PHLPP1: variants seen among roughly 807,000 people sequenced by gnomAD.
PHLPP1 encodes the protein PH domain leucine-rich repeat-containing protein phosphatase 1.
In PHLPP1, 42 loss-of-function variants were observed where a neutral mutation model predicts 117.2. That is an observed-to-expected ratio of 0.36 (90% CI 0.28 to 0.46). The LOEUF (loss-of-function observed/expected upper bound fraction) is 0.46, where lower values mean the gene tolerates loss of function less well. Among genes scored for constraint, PHLPP1 ranks in the 20% least tolerant of loss-of-function variants. The pLI, the probability that PHLPP1 is intolerant of heterozygous loss-of-function variation, is 1.00. For synonymous variants in PHLPP1, 1,042 were observed against 970.7 expected (o/e 1.07, Z -1.37); for missense variants, 2,084 against 2,241.9 (o/e 0.93, Z 1.42).
At chr18:62,762,716 T>C (rs1329199229) in intron 1 of PHLPP1, among the ~76,000 whole-genome samples, 2 of 152,100 alleles carry the variant, frequency 1.3e-5, no homozygotes, top group Non-Finnish European at 2.9e-5. Flanking sequence ...GCCCTACCTG[T>C]TCTCTTGATT....
chr18:62,744,023 G>A (rs150951886), intron 1 of PHLPP1, among the ~76,000 whole-genome samples: 6 of 152,344 alleles, frequency 3.9e-5, no homozygotes, highest in African/African-American at 7.2e-5. Flanking sequence ...AACTGGTGCC[G>A]TGGGACACAT....
At chr18:62,821,774 CAG>C (rs1914465678) in intron 1 of PHLPP1, among the ~76,000 whole-genome samples, 2 of 146,388 alleles carry the variant, frequency 1.4e-5, no homozygotes, top group African/African-American at 2.5e-5. Context: ...TTTTTTGAGA[CAG>C]AGTCTTGCTC....
chr18:62,898,610 G>C (rs1240030123), intron 6 of PHLPP1, among the ~76,000 whole-genome samples: 1 of 152,132 alleles, frequency 6.6e-6, no homozygotes, highest in Non-Finnish European at 1.5e-5. Context: ...AGCTGCTCAT[G>C]TGTGGGCCTC....
chr18:62,784,053 C>T (rs1913205324), intron 1 of PHLPP1, among the ~76,000 whole-genome samples: 1 of 152,204 alleles, frequency 6.6e-6, no homozygotes, highest in Admixed American at 6.5e-5. Flanking sequence ...CAAGGTTGTG[C>T]ATTTTTAAGA....
intron 14 of PHLPP1, among the ~76,000 whole-genome samples, chr18:62,967,514 AC>A (rs2144486078): frequency 6.6e-6 from 1 of 151,904 alleles, no homozygotes; most frequent in Admixed American, 6.6e-5. Context: ...TCATCCATAT[AC>A]CTTCTTTGGT....
intron 1 of PHLPP1, among the ~76,000 whole-genome samples, chr18:62,764,170 A>C (rs1912371411): frequency 6.6e-6 from 1 of 151,090 alleles, no homozygotes; most frequent in Non-Finnish European, 1.5e-5. Context: ...TCTCAAAAAA[A>C]AAAAAAAAAA....
At chr18:62,966,465 A>ATTTTTT (rs3087157) in intron 14 of PHLPP1, among the ~76,000 whole-genome samples, 3 of 109,028 alleles carry the variant, frequency 2.8e-5, no homozygotes, top group South Asian at 3.1e-4. Context: ...AGTTCTACAA[A>ATTTTTT]TTTTTTTTTT....
chr18:62,781,088 T>C (rs367933739), intron 1 of PHLPP1, among the ~76,000 whole-genome samples: 1 of 152,228 alleles, frequency 6.6e-6, no homozygotes, highest in African/African-American at 2.4e-5. Context: ...TTACCACTTA[T>C]TTGACTATTT....
intron 1 of PHLPP1, among the ~76,000 whole-genome samples, chr18:62,818,247 T>G (rs981544418): frequency 3.3e-5 from 5 of 152,070 alleles, no homozygotes; most frequent in Admixed American, 2.0e-4. Context: ...AAAATATTTT[T>G]GGGCCAGCCG....
chr18:62,807,000 T>G (rs1052266803), intron 1 of PHLPP1, among the ~76,000 whole-genome samples: 19 of 152,156 alleles, frequency 1.2e-4, no homozygotes, highest in Non-Finnish European at 2.8e-4. Flanking sequence ...GTTTAAAAAT[T>G]TTTTATAAAT....
At chr18:62,975,727 T>G in intron 16 of PHLPP1, 102 bp downstream of exon 16, 1 of 739,774 alleles carries the variant, frequency 1.4e-6, no homozygotes, top group Non-Finnish European at 2.3e-6. Flanking sequence ...AAAGAACACT[T>G]TTGAAGTTGG....
intron 3 of PHLPP1, among the ~76,000 whole-genome samples, chr18:62,854,643 A>G (rs559333380): frequency 5.3e-5 from 8 of 150,254 alleles, no homozygotes; most frequent in African/African-American, 1.9e-4. Flanking sequence ...TCTTGACCTG[A>G]TGGCATAGAG....
chr18:62,738,699 A>G (rs965744659), intron 1 of PHLPP1, among the ~76,000 whole-genome samples: 2 of 152,208 alleles, frequency 1.3e-5, no homozygotes, highest in Non-Finnish European at 2.9e-5. Context: ...GAGATTAACA[A>G]CAATAAATAC....
chr18:62,889,032 C>G (rs556321845), intron 4 of PHLPP1, among the ~76,000 whole-genome samples: 58 of 152,332 alleles, frequency 3.8e-4, no homozygotes, highest in African/African-American at 1.4e-3. Context: ...GTCCTATAAT[C>G]TGACTGCTTT....
chr18:62,957,724 T>C (rs1229657994), intron 12 of PHLPP1, among the ~76,000 whole-genome samples: 1 of 151,928 alleles, frequency 6.6e-6, no homozygotes, highest in Non-Finnish European at 1.5e-5. Context: ...TTATTTTTTT[T>C]TTTTTGGTGA....
chr18:62,724,360 A>G (rs1183811985), intron 1 of PHLPP1, among the ~76,000 whole-genome samples: 2 of 152,240 alleles, frequency 1.3e-5, no homozygotes, highest in Non-Finnish European at 2.9e-5. Flanking sequence ...GTGCTTGCCT[A>G]CCGGTGCTTA....
chr18:62,736,141 A>G (rs1911362859), intron 1 of PHLPP1, among the ~76,000 whole-genome samples: 1 of 152,134 alleles, frequency 6.6e-6, no homozygotes, highest in South Asian at 2.1e-4. Flanking sequence ...ATTGATGGTT[A>G]GCTGGCCTCT....
chr18:62,930,341 T>G (rs1016714032), intron 10 of PHLPP1, among the ~76,000 whole-genome samples: 4 of 152,254 alleles, frequency 2.6e-5, no homozygotes, highest in African/African-American at 9.6e-5. Context: ...GAGACCCATC[T>G]CACATGTAAT....
intron 4 of PHLPP1, among the ~76,000 whole-genome samples, chr18:62,883,183 A>T (rs887333815): frequency 6.6e-6 from 1 of 152,176 alleles, no homozygotes; most frequent in Admixed American, 6.6e-5. Context: ...AGCAAAATTA[A>T]AAACAGGGAT....
Sources: gnomAD v4.1 joint callset for allele counts (sites outside exome capture counted in the v4.1 genomes callset) on GRCh38, gnomAD v4.1.1 for gene constraint, MANE v1.5 for transcripts, NCBI Gene and HGNC (gene_info 2026-07-23, HGNC 2026-07-21) for gene names.